The following JAKMIP1 variants were observed in gnomAD, a reference collection of about 807,000 sequenced individuals.
JAKMIP1 encodes the protein janus kinase and microtubule interacting protein 1, also known as janus kinase and microtubule-interacting protein 1.
Under a neutral mutation model 113.0 loss-of-function variants are expected in JAKMIP1, and 33 were observed. The ratio of observed to expected loss-of-function variants is 0.29; its 90% CI spans 0.22 to 0.39. The LOEUF (loss-of-function observed/expected upper bound fraction) is 0.39. JAKMIP1 is among the 10% of genes least tolerant of loss of function. JAKMIP1 has a pLI of 1.00. For missense variants in JAKMIP1, 813 were observed against 1,080.5 expected (o/e 0.75, Z 3.47); for synonymous variants, 480 against 459.9 (o/e 1.04, Z -0.56).
intron 1 of JAKMIP1, among the ~76,000 whole-genome samples, chr4:6,128,472 T>A (rs1718053185): frequency 6.6e-6 from 1 of 151,210 alleles, no homozygotes; most frequent in Non-Finnish European, 1.5e-5. Flanking sequence ...GGAAGGGGAG[T>A]CTTTATTGGC....
Position 6,084,829 on chromosome 4 carries a change from C to T in JAKMIP1, c.954+17G>A. The T allele has an allele frequency of 6.2e-7, 1 of 1,608,668 alleles. No individual in the cohort carries two copies. The highest frequency in any genetic ancestry group is 1.1e-5 in the South Asian group (1 of 89,446). On this transcript the variant is annotated intron_variant, in intron 5 of 20. Transcript: ENST00000409021. ...TTGCACCCTATGAGGCACCGCCTGT[C>T]TCTTGGGGCTACTTACCAGTTCATT... is the stretch of plus-strand genomic sequence containing the variant.
chr4:6,064,744 A>T lies in JAKMIP1; in HGVS notation c.1431+136T>A, dbSNP rs1027598326. On this transcript the variant is annotated intron_variant, in intron 9 of 20. Coordinates refer to ENST00000409021, the MANE Select transcript of JAKMIP1 (RefSeq NM_001099433.2). This position sits in a 1 kb window ranked among gnomAD's most constrained non-coding sequence, Gnocchi z 4.3. Reference sequence around the variant, plus strand: ...TTCCCTTCACACCATTGGCTTTGATAATGCACTGGTAGGAACTGGTCATCT... The same window carrying T: ...TTCCCTTCACACCATTGGCTTTGATTATGCACTGGTAGGAACTGGTCATCT... 5.5e-5 allele frequency: 62 copies of T among 1,117,314 alleles called. No homozygotes were observed. Among genetic ancestry groups the T allele is most frequent in the Non-Finnish European group, 7.4e-5 (58 of 786,498 alleles). 69.2% of individuals were successfully genotyped at this position (1,117,314 alleles called of 1,614,324 possible).
chr4:6,112,158 A>G (rs553557565), intron 2 of JAKMIP1, among the ~76,000 whole-genome samples: 35 of 152,332 alleles, frequency 2.3e-4, no homozygotes, highest in South Asian at 8.3e-4. Context: ...ACTGCAACCT[A>G]ACTTAGCAGG....
intron 3 of JAKMIP1, among the ~76,000 whole-genome samples, chr4:6,085,910 C>T (rs889503580): frequency 2.0e-5 from 3 of 152,230 alleles, no homozygotes; most frequent in Non-Finnish European, 4.4e-5. Context: ...GTCTCTCTCA[C>T]TTTAATGAGA....
intron 16 of JAKMIP1, among the ~76,000 whole-genome samples, chr4:6,046,597 C>T (rs1715029164): frequency 6.8e-6 from 1 of 147,052 alleles, no homozygotes; most frequent in African/African-American, 2.5e-5. Flanking sequence ...TGGGGGTGGG[C>T]AGGGTGCAAG....
intron 11 of JAKMIP1, among the ~76,000 whole-genome samples, chr4:6,057,273 A>AG (rs1275674693): frequency 6.6e-6 from 1 of 152,236 alleles, no homozygotes; most frequent in East Asian, 1.9e-4. Context: ...ACATGGGGAC[A>AG]GGGGGACTCT....
chr4:6,125,692 ACACGCACAC>A (rs1717357332), intron 1 of JAKMIP1, among the ~76,000 whole-genome samples: 1 of 100,536 alleles, frequency 9.9e-6, no homozygotes, highest in Non-Finnish European at 2.3e-5. Context: ...GCAGAAACAC[ACACGCACAC>A]CATACACACC....
chr4:6,192,942 T>A lies in JAKMIP1; in HGVS notation c.-148+7311A>T, dbSNP rs1028079454. Among the ~76,000 whole-genome samples the A allele has an allele frequency of 3.9e-5, 6 of 152,126 alleles. No individual in the cohort carries two copies. Among genetic ancestry groups the A allele is most frequent in the Non-Finnish European group, 7.4e-5 (5 of 68,022 alleles). On this transcript the variant is annotated intron_variant, in intron 1 of 20. Transcript: ENST00000409021. This position sits in a 1 kb window ranked among gnomAD's most constrained non-coding sequence, Gnocchi z 5.0. ...TTGATTGGTGAAGGATGCAAAGTAT[T>A]GTTCCTGGGTGTGTCTGTGAGGGTG...
At chr4:6,066,912 A>C (rs1433318416) in intron 8 of JAKMIP1, among the ~76,000 whole-genome samples, 9 of 151,926 alleles carry the variant, frequency 5.9e-5, no homozygotes, top group East Asian at 5.8e-4. Context: ...TCTGCACCCC[A>C]CACACACCTG....
In JAKMIP1 at chr4:6,154,168, C is replaced by T. The variant is rs948743954; in HGVS notation, c.-147-41171G>A. Among the ~76,000 whole-genome samples, 9 of 152,162 alleles carry T rather than the reference C, an allele frequency of 5.9e-5. No individual in the cohort carries two copies. The highest frequency in any genetic ancestry group is 1.4e-4 in the African/African-American group (6 of 41,434). Reference sequence around the variant, plus strand: ...CTGCACTCAGGGAGACACTGACCCTCGCAGGAGGGAAGACAGAGCGGAGCT... The same window carrying T: ...CTGCACTCAGGGAGACACTGACCCTTGCAGGAGGGAAGACAGAGCGGAGCT... On this transcript the variant is annotated intron_variant, in intron 1 of 20. Transcript: ENST00000409021. This position sits in a 1 kb window ranked among gnomAD's most constrained non-coding sequence, Gnocchi z 4.2.
chr4:6,046,038 T>G (rs1488326163), intron 16 of JAKMIP1, among the ~76,000 whole-genome samples: 1 of 152,202 alleles, frequency 6.6e-6, no homozygotes, highest in African/African-American at 2.4e-5. Flanking sequence ...GCTCACCCCC[T>G]TTGCAAACTT....
At position 6,080,006 on chromosome 4, in the gene JAKMIP1, C is replaced by A. The variant is rs762878597; in HGVS notation, c.1242+166G>T. Reference sequence around the variant, plus strand: ...AAGGCTGCTTAGTGGCAGAATGAAGCGGGAATGTGCACACCAGGGTGAGCT... The same window carrying A: ...AAGGCTGCTTAGTGGCAGAATGAAGAGGGAATGTGCACACCAGGGTGAGCT... On this transcript the variant is annotated intron_variant, in intron 7 of 20. Transcript: ENST00000409021. The surrounding 1 kb of genome is among the most constrained non-coding windows in gnomAD (Gnocchi z 6.0). Among the ~76,000 whole-genome samples the A allele has an allele frequency of 2.6e-5, 4 of 152,192 alleles. No homozygotes were observed. The highest frequency in any genetic ancestry group is 9.7e-5 in the African/African-American group (4 of 41,450).
chr4:6,027,401 T>C (rs981480752), intron 20 of JAKMIP1, among the ~76,000 whole-genome samples: 4 of 152,290 alleles, frequency 2.6e-5, no homozygotes, highest in African/African-American at 9.6e-5. Flanking sequence ...ATCTTCCACA[T>C]GGGGAAACTG....
Position 6,199,195 on chromosome 4 carries a change from G to A in JAKMIP1, c.-148+1058C>T, listed in dbSNP as rs1487695847. 6.6e-6 allele frequency among the ~76,000 whole-genome samples: 1 copy of A among 152,250 alleles called. No individual in the cohort carries two copies. Among genetic ancestry groups the A allele is most frequent in the South Asian group, 2.1e-4 (1 of 4,834 alleles). On this transcript the variant is annotated intron_variant, in intron 1 of 20. Transcript: ENST00000409021. This position sits in a 1 kb window ranked among gnomAD's most constrained non-coding sequence, Gnocchi z 5.6. The stretch of plus-strand genomic sequence containing the variant: ...GTGTGCGCAGATGGGGCGGGCGGCG[G>A]AGGAGGGCTGGCGGTTAGATACAGT...
intron 1 of JAKMIP1, among the ~76,000 whole-genome samples, chr4:6,198,440 A>T (rs1230215266): frequency 6.6e-6 from 1 of 152,140 alleles, no homozygotes; most frequent in Non-Finnish European, 1.5e-5. Flanking sequence ...TGGGGAAGCC[A>T]GGATGTGAGG....
chr4:6,056,618 C>T lies in JAKMIP1; in HGVS notation c.1707+79G>A, dbSNP rs183069962. 90 of 1,101,136 alleles carry T rather than the reference C, an allele frequency of 8.2e-5. No individual in the cohort carries two copies. The Middle Eastern group carries it at 1.4e-3, about 17-fold the overall frequency. The allele number at this position is 1,101,136 out of a possible 1,614,324, so 68.2% of individuals were successfully genotyped here. A position where few individuals can be genotyped will look rare whatever the true frequency, so the allele number is the denominator to read the frequency against. On this transcript the variant is annotated intron_variant, in intron 12 of 20. Coordinates refer to ENST00000409021, the MANE Select transcript of JAKMIP1 (RefSeq NM_001099433.2). The stretch of plus-strand genomic sequence containing the variant: ...TGGAGTGCCCAAATGGCGCTGGGCA[C>T]GACCCGTGTAGTCTGAGCAGGCCCG...
Position 6,036,013 on chromosome 4 carries a change from T to C in JAKMIP1, c.2270A>G (p.Asp757Gly). The part of the protein sequence containing the change: ...GEALSEGQRE[D>G]LQAAVEKVRR... The stretch of plus-strand genomic sequence containing the variant: ...CACCTTTTCCACAGCAGCCTGCAGG[T>C]CCTCCCGCTGGCCCTCGCTCAGCGC... The change falls in exon 19 of 21, where the codon GAC (aspartate) becomes GGC (glycine). Residue 757 changes from aspartate (D) to glycine (G), a missense_variant. Coordinates refer to ENST00000409021, the MANE Select transcript of JAKMIP1 (RefSeq NM_001099433.2). 6.4e-7 allele frequency: 1 copy of C among 1,552,276 alleles called. No individual in the cohort carries two copies. The highest frequency in any genetic ancestry group is 8.7e-7 in the Non-Finnish European group (1 of 1,147,336).
chr4:6,166,349 G>A (rs6810890), intron 1 of JAKMIP1, among the ~76,000 whole-genome samples: 3,147 of 152,318 alleles, frequency 0.021, 113 homozygotes, highest in African/African-American at 0.071. Flanking sequence ...CCCCTCCCCA[G>A]GCAAGACTGG....
chr4:6,113,130 T>C (rs1243229105), intron 1 of JAKMIP1, 133 bp from the exon 2 acceptor site: 3 of 396,132 alleles, frequency 7.6e-6, no homozygotes, highest in Non-Finnish European at 1.4e-5. Context: ...ACCTAGAGCC[T>C]TCCCGATGGG....
Sources: allele counts gnomAD v4.1 joint callset (sites outside exome capture counted in the v4.1 genomes callset), GRCh38; gene constraint gnomAD v4.1.1; non-coding constraint Gnocchi (gnomAD v3.1); transcripts MANE v1.5; gene names NCBI Gene and HGNC (gene_info 2026-07-23, HGNC 2026-07-21).